Variants in CYRIB observed in about 807,000 individuals in gnomAD.
CYRIB encodes the protein CYFIP-related Rac1 interactor B.
A neutral mutation model predicts 44.2 loss-of-function variants in CYRIB; 8 were observed. The ratio of observed to expected loss-of-function variants is 0.18; its 90% CI spans 0.11 to 0.33. CYRIB has a LOEUF of 0.33. Ranked by LOEUF, CYRIB falls within the 10% of genes least tolerant of loss-of-function variation. CYRIB has a pLI of 1.00. For missense variants in CYRIB, 185 were observed against 382.8 expected (o/e 0.48, Z 4.31); for synonymous variants, 131 against 127.2 (o/e 1.03, Z -0.20).
At chr8:129,870,345 G>A (rs2133180162) in intron 4 of CYRIB, among the ~76,000 whole-genome samples, 1 of 152,370 alleles carries the variant, frequency 6.6e-6, no homozygotes, top group South Asian at 2.1e-4. Context: ...AGCAGGTTGA[G>A]GCTGTAGTGA....
At chr8:129,867,277 C>T (rs746878305) in intron 4 of CYRIB, among the ~76,000 whole-genome samples, 84 of 150,350 alleles carry the variant, frequency 5.6e-4, no homozygotes, top group Admixed American at 1.4e-3. Flanking sequence ...GCATGTGCCA[C>T]CACACCTGGC....
At chr8:129,879,517 A>C in intron 2 of CYRIB, 46 bp from the exon 5 acceptor site, 3 of 1,351,124 alleles carry the variant, frequency 2.2e-6, no homozygotes, top group Non-Finnish European at 3.1e-6. Flanking sequence ...CTTTATAAAA[A>C]AGAACATCTG....
intron 2 of CYRIB, among the ~76,000 whole-genome samples, chr8:129,897,083 C>T (rs2068460185): frequency 6.6e-6 from 1 of 152,132 alleles, no homozygotes; most frequent in Non-Finnish European, 1.5e-5. Flanking sequence ...TGAAAGACAA[C>T]AGGCAGAATG....
intron 1 of CYRIB, among the ~76,000 whole-genome samples, chr8:129,985,673 G>A (rs2096430817): frequency 6.6e-6 from 1 of 152,084 alleles, no homozygotes; most frequent in Non-Finnish European, 1.5e-5. Flanking sequence ...AGAGCAAATA[G>A]AGTGAGTGTG....
chr8:129,963,818 T>G (rs1055259170), intron 2 of CYRIB, among the ~76,000 whole-genome samples: 1 of 152,246 alleles, frequency 6.6e-6, no homozygotes, highest in South Asian at 2.1e-4. Flanking sequence ...ATCTGAATTG[T>G]GCAGATAATG....
intron 2 of CYRIB, among the ~76,000 whole-genome samples, chr8:129,889,680 T>C (rs1343179943): frequency 6.6e-6 from 1 of 151,988 alleles, no homozygotes; most frequent in Non-Finnish European, 1.5e-5. Flanking sequence ...AGAACTAGAG[T>C]AGAAGTTCAT....
chr8:129,860,587 T>C (rs2048849716), intron 5 of CYRIB, among the ~76,000 whole-genome samples: 1 of 152,226 alleles, frequency 6.6e-6, no homozygotes, highest in Non-Finnish European at 1.5e-5. Context: ...ACATTACATT[T>C]AACAGGCTGT....
intron 2 of CYRIB, among the ~76,000 whole-genome samples, chr8:129,961,481 G>T (rs7817091): frequency 0.041 from 6,201 of 152,272 alleles, 153 homozygotes; most frequent in Middle Eastern, 0.068. Flanking sequence ...CAGCTTCTTG[G>T]TTTTGCTGGT....
intron 2 of CYRIB, among the ~76,000 whole-genome samples, chr8:129,883,112 CAAAAAAAAAAAAA>C (rs34764499): frequency 5.1e-4 from 21 of 41,258 alleles, no homozygotes; most frequent in East Asian, 4.4e-3. Context: ...GACTCCCTCT[CAAAAAAAAAAAAA>C]AAAAAAAAAA....
chr8:129,952,482 T>C (rs1416359244), intron 2 of CYRIB, among the ~76,000 whole-genome samples: 1 of 152,166 alleles, frequency 6.6e-6, no homozygotes, highest in African/African-American at 2.4e-5. Context: ...TATGTACCCC[T>C]ATGGAGAAAT....
rs73710975 is a variant in CYRIB at position 129,946,689 on chromosome 8, G to C, written c.-243+24254C>G. ...CACAGGAGCCATAAAGCTGTCCTTAGAGCCATATTTCCCCCGAGTTATAAG... is the reference window on the plus strand; with the variant it reads ...CACAGGAGCCATAAAGCTGTCCTTACAGCCATATTTCCCCCGAGTTATAAG... On this transcript the variant is annotated intron_variant, in intron 2 of 14. Transcript: ENST00000401979. 2.9e-3 allele frequency among the ~76,000 whole-genome samples: 444 copies of C among 152,284 alleles called. 4 individuals are homozygous for C. Among genetic ancestry groups the C allele is most frequent in the African/African-American group, 9.7e-3 (405 of 41,562 alleles).
chr8:129,976,751 A>G (rs968429432), intron 1 of CYRIB, among the ~76,000 whole-genome samples: 8 of 152,058 alleles, frequency 5.3e-5, no homozygotes, highest in African/African-American at 1.9e-4. Flanking sequence ...GAAGCCAAAC[A>G]TTTGTTTGAA....
intron 10 of CYRIB, among the ~76,000 whole-genome samples, chr8:129,848,246 T>C (rs554266120): frequency 5.3e-5 from 8 of 152,110 alleles, no homozygotes; most frequent in Non-Finnish European, 1.2e-4. Context: ...ACAGTAAATA[T>C]TAACTCATTT....
chr8:129,910,109 G>C (rs1312119244), intron 1 of CYRIB, among the ~76,000 whole-genome samples: 1 of 152,150 alleles, frequency 6.6e-6, no homozygotes, highest in East Asian at 1.9e-4. Flanking sequence ...GCATGCCATA[G>C]GTGCTAGTAT....
chr8:129,844,577 T>C (rs965093239), intron 11 of CYRIB: 9 of 152,262 alleles, frequency 5.9e-5, no homozygotes, highest in Non-Finnish European at 1.2e-4. Flanking sequence ...CCTCTTATGA[T>C]TAAATGTATT....
intron 4 of CYRIB, among the ~76,000 whole-genome samples, chr8:129,867,251 G>A (rs1038629200): frequency 4.0e-5 from 6 of 150,306 alleles, no homozygotes; most frequent in Non-Finnish European, 5.9e-5. Flanking sequence ...AGACTCCCAA[G>A]TAGCTCGAAT....
intron 1 of CYRIB, among the ~76,000 whole-genome samples, chr8:130,009,015 C>A (rs1460353845): frequency 6.6e-6 from 1 of 152,184 alleles, no homozygotes; most frequent in Non-Finnish European, 1.5e-5. Context: ...GATGCTAGAC[C>A]CTATGTCAGG....
At chr8:129,848,997 C>T (rs1057290595) in intron 10 of CYRIB, among the ~76,000 whole-genome samples, 6 of 152,166 alleles carry the variant, frequency 3.9e-5, no homozygotes, top group East Asian at 1.9e-4. Context: ...TTGCCAAATA[C>T]GTAGTAGAAG....
intron 2 of CYRIB, among the ~76,000 whole-genome samples, chr8:129,884,365 T>G (rs1399556732): frequency 1.3e-5 from 2 of 152,192 alleles, no homozygotes; most frequent in Non-Finnish European, 2.9e-5. Context: ...CTCGGCTCAC[T>G]GCAACCTTCG....
Sources: allele counts gnomAD v4.1 joint callset (sites outside exome capture counted in the v4.1 genomes callset), GRCh38; gene constraint gnomAD v4.1.1; transcripts MANE v1.5; gene names NCBI Gene and HGNC (gene_info 2026-07-23, HGNC 2026-07-21).